The following PCDH15 variants were observed in gnomAD, a reference collection of about 807,000 sequenced individuals.
PCDH15 encodes protocadherin-15.
PCDH15 carries 129 observed loss-of-function variants against 178.5 expected under a neutral mutation model. The observed-to-expected ratio is 0.72, with a 90% CI of 0.63 to 0.84. The LOEUF (loss-of-function observed/expected upper bound fraction) is 0.84. Ranked by LOEUF, PCDH15 falls within the 40% of genes least tolerant of loss-of-function variation. The pLI is 0.00. For missense variants in PCDH15, 2,230 were observed against 2,099.9 expected, an observed-to-expected ratio of 1.06 and a Z score of -1.21; for synonymous variants, 800 against 732.0, an observed-to-expected ratio of 1.09 and a Z score of -1.50.
chr10:53,854,316 A>G (rs527743327), intron 28 of PCDH15, among the ~76,000 whole-genome samples: 1 of 152,174 alleles, frequency 6.6e-6, no homozygotes, highest in Admixed American at 6.6e-5. Context: ...TGCAAAATGA[A>G]GAAGTTCTGA....
intron 2 of PCDH15, among the ~76,000 whole-genome samples, chr10:55,536,602 C>CT (rs1212069856): frequency 2.6e-5 from 4 of 152,094 alleles, no homozygotes; most frequent in African/African-American, 4.8e-5. Context: ...GAAAAAAGCA[C>CT]TTTTCATTCA....
At position 54,780,005 on chromosome 10, in the gene PCDH15, T is replaced by C. The variant is rs375112344; in HGVS notation, c.-29+20920A>G. Among the ~76,000 whole-genome samples, 166 of 152,288 alleles carry C rather than the reference T, an allele frequency of 1.1e-3. 2 individuals are homozygous for C. Among genetic ancestry groups the C allele is most frequent in the African/African-American group, 3.8e-3 (156 of 41,578 alleles). On this transcript the variant is annotated intron_variant, in intron 1 of 37. Coordinates refer to ENST00000644397, the MANE Select transcript of PCDH15 (RefSeq NM_001384140.1). ...TATAAGAAATATTTGCACTTATTCT[T>C]ATAAACAGCAGTGGTAAATTCTACA...
chr10:54,989,217 G>C (rs1839445122), intron 2 of PCDH15, among the ~76,000 whole-genome samples: 1 of 152,172 alleles, frequency 6.6e-6, no homozygotes, highest in East Asian at 1.9e-4. Flanking sequence ...TTGCTGCAGG[G>C]GTGGGGCCTT....
intron 3 of PCDH15, among the ~76,000 whole-genome samples, chr10:54,881,972 T>C (rs934466582): frequency 6.6e-6 from 1 of 152,138 alleles, no homozygotes; most frequent in Non-Finnish European, 1.5e-5. Context: ...TAAATATAAG[T>C]GCCATGAGGG....
intron 2 of PCDH15, among the ~76,000 whole-genome samples, chr10:55,419,321 G>T (rs941807617): frequency 8.6e-5 from 13 of 151,722 alleles, no homozygotes; most frequent in African/African-American, 2.7e-4. Flanking sequence ...CACGGATTTT[G>T]ATGACAGTAA....
At chr10:54,184,088 G>T (rs1178382831) in intron 12 of PCDH15, among the ~76,000 whole-genome samples, 1 of 151,986 alleles carries the variant, frequency 6.6e-6, no homozygotes, top group Non-Finnish European at 1.5e-5. Flanking sequence ...ATTTAATTGT[G>T]ATATTTTATA....
chr10:54,332,746 G>T (rs1183317444), intron 6 of PCDH15, among the ~76,000 whole-genome samples: 1 of 151,914 alleles, frequency 6.6e-6, no homozygotes, highest in Non-Finnish European at 1.5e-5. Context: ...GCAACTTAAT[G>T]AATCTTTGCA....
rs148025448 is a variant in PCDH15, at chr10:54,423,303, G to A, written c.158-44361C>T. Among the ~76,000 whole-genome samples, 506 of 150,630 alleles carry A rather than the reference G, an allele frequency of 3.4e-3. 7 individuals are homozygous for A. Among genetic ancestry groups the A allele is most frequent in the African/African-American group, 0.012 (476 of 40,034 alleles). ...CTCAGGGAGAGAGAAGGGCAAGATG[G>A]CACAGTTTAATACTTACTATTATTC... On this transcript the variant is annotated intron_variant, in intron 3 of 37. Transcript: ENST00000644397.
intron 2 of PCDH15, chr10:54,606,275 T>C (rs1485425846): frequency 1.3e-5 from 2 of 152,134 alleles, no homozygotes; most frequent in Non-Finnish European, 2.9e-5. Flanking sequence ...CCTTAGTTTG[T>C]CTGTAGTAGC....
At chr10:54,441,356 A>T (rs1183388370) in intron 3 of PCDH15, among the ~76,000 whole-genome samples, 4 of 152,090 alleles carry the variant, frequency 2.6e-5, no homozygotes, top group South Asian at 2.1e-4. Flanking sequence ...TAAATAAAAG[A>T]CTTAAGAACT....
chr10:54,786,276 A>G (rs1950868533), intron 1 of PCDH15, among the ~76,000 whole-genome samples: 1 of 152,028 alleles, frequency 6.6e-6, no homozygotes, highest in South Asian at 2.1e-4. Flanking sequence ...TAGCTTTTGA[A>G]TGAATCATAT....
At chr10:54,811,976 CA>C (rs1322091954) in intron 3 of PCDH15, among the ~76,000 whole-genome samples, 1 of 152,010 alleles carries the variant, frequency 6.6e-6, no homozygotes, top group Admixed American at 6.6e-5. Context: ...AAATATACAT[CA>C]ATAAATTATA....
At chr10:53,981,025 A>G (rs2090595551) in intron 21 of PCDH15, among the ~76,000 whole-genome samples, 1 of 152,212 alleles carries the variant, frequency 6.6e-6, no homozygotes, top group Admixed American at 6.5e-5. Flanking sequence ...AATAATTATG[A>G]GTATGGATAT....
chr10:54,910,105 C>T (rs1454960277), intron 2 of PCDH15, among the ~76,000 whole-genome samples: 2 of 152,136 alleles, frequency 1.3e-5, no homozygotes, highest in Admixed American at 1.3e-4. Context: ...TTAGCTGCTT[C>T]AGGGATGTGG....
At chr10:54,891,943 T>C (rs1954468978) in intron 3 of PCDH15, among the ~76,000 whole-genome samples, 1 of 152,088 alleles carries the variant, frequency 6.6e-6, no homozygotes, top group Non-Finnish European at 1.5e-5. Flanking sequence ...TGTAAAGGTC[T>C]GGGGGAACAA....
intron 15 of PCDH15, among the ~76,000 whole-genome samples, chr10:54,111,140 T>G (rs2095015950): frequency 6.6e-6 from 1 of 152,194 alleles, no homozygotes; most frequent in Non-Finnish European, 1.5e-5. Flanking sequence ...AGCCTTTATA[T>G]ACTTACACTT....
At chr10:54,587,777 G>C (rs369100693) in intron 2 of PCDH15, among the ~76,000 whole-genome samples, 2 of 151,966 alleles carry the variant, frequency 1.3e-5, no homozygotes, top group Non-Finnish European at 2.9e-5. Context: ...AATTAAGAGG[G>C]AATTGGCCAG....
intron 2 of PCDH15, among the ~76,000 whole-genome samples, chr10:55,618,669 G>T (rs369544506): frequency 7.2e-5 from 11 of 152,136 alleles, no homozygotes; most frequent in African/African-American, 2.6e-4. Flanking sequence ...TACTCATGTG[G>T]TATTAGCGGT....
chr10:54,246,559 T>A (rs1377314935), intron 8 of PCDH15, among the ~76,000 whole-genome samples: 1 of 151,950 alleles, frequency 6.6e-6, no homozygotes. Flanking sequence ...GATGAATACA[T>A]CATATTTTAT....
Sources: gnomAD v4.1 joint callset for allele counts (sites outside exome capture counted in the v4.1 genomes callset) on GRCh38, gnomAD v4.1.1 for gene constraint, MANE v1.5 for transcripts, NCBI Gene and HGNC (gene_info 2026-07-23, HGNC 2026-07-21) for gene names.